The following AMN1 variants were observed in gnomAD, a reference collection of about 807,000 sequenced individuals.
AMN1 encodes antagonist of mitotic exit network 1 homolog.
Under a neutral mutation model 33.0 loss-of-function variants are expected in AMN1, and 20 were observed. The ratio of observed to expected loss-of-function variants is 0.61; its 90% CI spans 0.43 to 0.88. The LOEUF is 0.88. Ranked by LOEUF, AMN1 falls within the 40% of genes least tolerant of loss-of-function variation. AMN1 has a pLI of 0.00. For synonymous variants in AMN1, 114 were observed against 111.9 expected, an observed-to-expected ratio of 1.02 and a Z score of -0.12; for missense variants, 246 against 307.4, an observed-to-expected ratio of 0.80 and a Z score of 1.49.
intron 1 of AMN1, among the ~76,000 whole-genome samples, chr12:31,722,176 C>CACACACACACACA (rs1565783449): frequency 7.0e-6 from 1 of 143,414 alleles, no homozygotes; most frequent in African/African-American, 2.6e-5. Context: ...CACACACACA[C>CACACACACACACA]CTGGGGCTAT....
intron 2 of AMN1, among the ~76,000 whole-genome samples, chr12:31,704,496 CTT>C (rs11319937): frequency 9.7e-5 from 14 of 144,088 alleles, no homozygotes; most frequent in Non-Finnish European, 1.5e-4. Flanking sequence ...GACTTTGTTT[CTT>C]TTTTTTTTTT....
chr12:31,707,395 GAAC>G (rs911511333), intron 2 of AMN1, among the ~76,000 whole-genome samples: 7 of 152,176 alleles, frequency 4.6e-5, no homozygotes, highest in Admixed American at 1.3e-4. Flanking sequence ...GAGCTGACCA[GAAC>G]AACACCATTT....
rs1459609670 is a variant in AMN1, at chr12:31,687,570, C to G, written c.703+1437G>C. Reference sequence around the variant, plus strand: ...TGGTGGCATGCGCCTGTAGTCCCAGCTACTTGGGAGGCTGAGGCAGGAGAA... The same window carrying G: ...TGGTGGCATGCGCCTGTAGTCCCAGGTACTTGGGAGGCTGAGGCAGGAGAA... On this transcript the variant is annotated intron_variant, in intron 6 of 6. Coordinates refer to ENST00000281471, the MANE Select transcript of AMN1 (RefSeq NM_001113402.2). The surrounding 1 kb of genome is among the most constrained non-coding windows in gnomAD (Gnocchi z 4.1). Among the ~76,000 whole-genome samples the G allele has an allele frequency of 6.6e-6, 1 of 151,860 alleles. No homozygotes were observed. Among genetic ancestry groups the G allele is most frequent in the African/African-American group, 2.4e-5 (1 of 41,344 alleles).
intron 2 of AMN1, 75 bp from the exon 3 acceptor site, chr12:31,702,082 TG>T (rs1939031204): frequency 2.2e-6 from 3 of 1,346,758 alleles, no homozygotes; most frequent in Admixed American, 5.3e-5. Flanking sequence ...TTCAGTGTTT[TG>T]GTGGTCATAA....
chr12:31,711,350 A>G (rs1939458226), intron 1 of AMN1, among the ~76,000 whole-genome samples: 1 of 151,814 alleles, frequency 6.6e-6, no homozygotes, highest in African/African-American at 2.4e-5. Flanking sequence ...TTTCTAATTT[A>G]TAAACATGGG....
At chr12:31,707,868 C>A (rs1013100964) in intron 2 of AMN1, among the ~76,000 whole-genome samples, 1 of 152,194 alleles carries the variant, frequency 6.6e-6, no homozygotes, top group Admixed American at 6.5e-5. Flanking sequence ...GGCAGAGGAA[C>A]ATAAATTGTG....
At chr12:31,697,709 T>C in intron 4 of AMN1, 31 bp downstream of exon 4, 2 of 1,561,086 alleles carry the variant, frequency 1.3e-6, no homozygotes, top group Non-Finnish European at 8.8e-7. Flanking sequence ...AAACACATAG[T>C]CTATATGTTT....
Position 31,689,107 on chromosome 12 carries a change from C to T in AMN1, c.603G>A (p.Met201Ile). 1.2e-6 allele frequency: 2 copies of T among 1,609,120 alleles called. No homozygotes were observed. Among genetic ancestry groups the T allele is most frequent in the Non-Finnish European group, 1.7e-6 (2 of 1,176,252 alleles). ...PCAKKLEEIH[M>I]GHCVNLTDGA... ...CATCAGTCAGATTTACACAATGTCCCATATGAATCTCCTATGCAAAAATAA... is the reference window on the plus strand; with the variant it reads ...CATCAGTCAGATTTACACAATGTCCTATATGAATCTCCTATGCAAAAATAA... Residue 201 changes from methionine to isoleucine, a missense_variant, in exon 6 of 7, where the codon ATG becomes ATA. Transcript: ENST00000281471.
chr12:31,697,666 T>C, intron 4 of AMN1, 74 bp downstream of exon 4: 1 of 1,467,520 alleles, frequency 6.8e-7, no homozygotes, highest in Non-Finnish European at 9.5e-7. Flanking sequence ...CTCCTTATGA[T>C]ATGTTCTCAT....
intron 2 of AMN1, among the ~76,000 whole-genome samples, chr12:31,703,111 T>G (rs78508650): frequency 0.066 from 10,063 of 152,234 alleles, 489 homozygotes; most frequent in Non-Finnish European, 0.1. Flanking sequence ...CCCAAGGGAT[T>G]GGTCATTGCC....
intron 6 of AMN1, among the ~76,000 whole-genome samples, chr12:31,674,301 G>A (rs1449428420): frequency 1.3e-5 from 2 of 152,012 alleles, no homozygotes; most frequent in Non-Finnish European, 2.9e-5. Flanking sequence ...CCAGCTACCT[G>A]GGAGGCTGAG....
In AMN1 at chr12:31,690,438, T is replaced by A. The variant is rs538824303; in HGVS notation, c.592-1320A>T. Among the ~76,000 whole-genome samples the A allele has an allele frequency of 3.9e-5, 6 of 152,308 alleles. No homozygotes were observed. The South Asian group carries it at 1.2e-3, about 32-fold the overall frequency. On this transcript the variant is annotated intron_variant, in intron 5 of 6. Coordinates refer to ENST00000281471, the MANE Select transcript of AMN1 (RefSeq NM_001113402.2). ...ACATCTATTATTTTTTTATTTTTTT[T>A]ATTATGGCCATTCTTGCAGGAGTCA...
chr12:31,720,540 CAA>C (rs764141018), intron 1 of AMN1, among the ~76,000 whole-genome samples: 18 of 124,664 alleles, frequency 1.4e-4, no homozygotes, highest in Non-Finnish European at 1.2e-4. Flanking sequence ...AACTCTGTCT[CAA>C]AAAAAAAAAA....
intron 6 of AMN1, among the ~76,000 whole-genome samples, chr12:31,685,188 T>A (rs1218976621): frequency 1.3e-5 from 2 of 151,770 alleles, no homozygotes; most frequent in Non-Finnish European, 2.9e-5. Flanking sequence ...AGCCCCACAC[T>A]CAACTAATTT....
chr12:31,716,724 T>C (rs193229996), intron 1 of AMN1, among the ~76,000 whole-genome samples: 37 of 152,344 alleles, frequency 2.4e-4, no homozygotes, highest in African/African-American at 7.9e-4. Context: ...ATTCCTGTTA[T>C]ATGCTGGATA....
chr12:31,674,466 G>A (rs79687915), intron 6 of AMN1, among the ~76,000 whole-genome samples: 4,021 of 151,202 alleles, frequency 0.027, 78 homozygotes, highest in Non-Finnish European at 0.036. Flanking sequence ...CCATCTCTAT[G>A]GTCCTCTCTC....
At chr12:31,690,329 C>A (rs146119051) in intron 5 of AMN1, among the ~76,000 whole-genome samples, 1 of 152,318 alleles carries the variant, frequency 6.6e-6, no homozygotes, top group East Asian at 1.9e-4. Flanking sequence ...TAAAGAATTT[C>A]CACACTGTTT....
rs373660742 is a variant in AMN1, at chr12:31,723,460, G to A, written c.38+5511C>T. 6.6e-5 allele frequency among the ~76,000 whole-genome samples: 10 copies of A among 152,166 alleles called. 1 individual carries two copies. The highest frequency in any genetic ancestry group is 1.9e-4 in the African/African-American group (8 of 41,522). On this transcript the variant is annotated intron_variant, in intron 1 of 6. Transcript: ENST00000281471. ...TGAGTAGCTGAGACTACAGGCGCCC[G>A]CCACTATGCCCGGCTAAGTTTTTGT...
intron 6 of AMN1, among the ~76,000 whole-genome samples, chr12:31,685,855 A>ATT (rs59397681): frequency 7.0e-5 from 10 of 142,606 alleles, no homozygotes; most frequent in Admixed American, 4.2e-4. Context: ...ATTTGTTATT[A>ATT]TTTTTTTTTT....
Sources: allele counts gnomAD v4.1 joint callset (sites outside exome capture counted in the v4.1 genomes callset), GRCh38; gene constraint gnomAD v4.1.1; non-coding constraint Gnocchi (gnomAD v3.1); transcripts MANE v1.5; gene names NCBI Gene and HGNC (gene_info 2026-07-23, HGNC 2026-07-21).